PCDH7: variants seen among roughly 807,000 people sequenced by gnomAD.
The protein encoded by PCDH7 is protocadherin 7.
In PCDH7, 17 loss-of-function variants were observed where a neutral mutation model predicts 58.9. That is an observed-to-expected ratio of 0.29 (90% CI 0.20 to 0.43). The LOEUF (loss-of-function observed/expected upper bound fraction) is 0.43. PCDH7 is among the 20% of genes least tolerant of loss of function. PCDH7 has a pLI of 1.00. For synonymous variants in PCDH7, 664 were observed against 616.4 expected, an observed-to-expected ratio of 1.08 and a Z score of -1.14; for missense variants, 1,274 against 1,441.0, an observed-to-expected ratio of 0.88 and a Z score of 1.88.
intron 1 of PCDH7, among the ~76,000 whole-genome samples, chr4:30,911,075 A>T (rs893647367): frequency 1.3e-5 from 2 of 152,022 alleles, no homozygotes; most frequent in African/African-American, 4.8e-5. Context: ...GCCAAACACC[A>T]CATGTTCTCA....
At chr4:31,142,944 G>A (rs1302860499) in exon 4 of PCDH7, 1 of 957,148 alleles carries the variant, frequency 1.0e-6, no homozygotes, top group African/African-American at 1.7e-5. Flanking sequence ...CACAAAGAGG[G>A]GGCTACCAAA....
At chr4:30,846,026 CT>C (rs2109342304) in intron 1 of PCDH7, among the ~76,000 whole-genome samples, 1 of 152,182 alleles carries the variant, frequency 6.6e-6, no homozygotes, top group African/African-American at 2.4e-5. Context: ...TAATGGTAGT[CT>C]AATGGTAATA....
intron 3 of PCDH7, among the ~76,000 whole-genome samples, chr4:31,084,130 A>G (rs1711992775): frequency 6.6e-6 from 1 of 152,188 alleles, no homozygotes. Flanking sequence ...TACCACTACT[A>G]TTTCAGATGT....
intron 1 of PCDH7, among the ~76,000 whole-genome samples, chr4:30,728,630 G>A (rs1714999478): frequency 6.6e-6 from 1 of 151,640 alleles, no homozygotes; most frequent in Admixed American, 6.6e-5. Flanking sequence ...GATCCGCAAT[G>A]AATTTGCAAA....
intron 3 of PCDH7, among the ~76,000 whole-genome samples, chr4:31,076,803 A>C (rs1759033126): frequency 6.6e-6 from 1 of 152,190 alleles, no homozygotes; most frequent in African/African-American, 2.4e-5. Context: ...AGATTAAGGA[A>C]GGGAAAAATA....
intron 3 of PCDH7, among the ~76,000 whole-genome samples, chr4:30,966,517 G>A (rs989511782): frequency 1.3e-5 from 2 of 152,114 alleles, no homozygotes; most frequent in Non-Finnish European, 2.9e-5. Flanking sequence ...AATGTGGGGT[G>A]CCTTTGGGTA....
At chr4:30,751,056 T>G (rs889473749) in intron 1 of PCDH7, among the ~76,000 whole-genome samples, 10 of 152,182 alleles carry the variant, frequency 6.6e-5, no homozygotes, top group African/African-American at 2.2e-4. Context: ...TGAGTTAGGT[T>G]TTTATTTCAA....
intron 1 of PCDH7, among the ~76,000 whole-genome samples, chr4:30,859,025 A>C (rs1733850931): frequency 6.6e-6 from 1 of 152,178 alleles, no homozygotes; most frequent in Non-Finnish European, 1.5e-5. Context: ...CATCCTGAGC[A>C]CTACAGCTTA....
At chr4:31,008,526 T>C (rs1362022098) in intron 3 of PCDH7, among the ~76,000 whole-genome samples, 1 of 152,162 alleles carries the variant, frequency 6.6e-6, no homozygotes, top group Non-Finnish European at 1.5e-5. Flanking sequence ...ATGGTGAAAA[T>C]ATAAGTAATA....
chr4:30,787,751 G>A (rs1180338577), intron 1 of PCDH7, among the ~76,000 whole-genome samples: 2 of 152,038 alleles, frequency 1.3e-5, no homozygotes, highest in Non-Finnish European at 2.9e-5. Context: ...TTTTGTATGG[G>A]TGTGAAGGTA....
chr4:30,957,763 A>G (rs1748009035), intron 3 of PCDH7, among the ~76,000 whole-genome samples: 1 of 152,158 alleles, frequency 6.6e-6, no homozygotes, highest in African/African-American at 2.4e-5. Flanking sequence ...CTTTTAGTAT[A>G]TATCCATAAG....
At chr4:30,848,570 A>G (rs1207566353) in intron 1 of PCDH7, among the ~76,000 whole-genome samples, 1 of 152,144 alleles carries the variant, frequency 6.6e-6, no homozygotes, top group African/African-American at 2.4e-5. Context: ...TTAGTCTGGC[A>G]TAAACACAAG....
At chr4:30,795,562 A>T (rs1724671227) in intron 1 of PCDH7, among the ~76,000 whole-genome samples, 1 of 152,228 alleles carries the variant, frequency 6.6e-6, no homozygotes, top group South Asian at 2.1e-4. Context: ...ATCTAGGTGC[A>T]ATCTGCTATT....
intron 3 of PCDH7, among the ~76,000 whole-genome samples, chr4:30,950,749 T>C (rs1247718116): frequency 6.6e-6 from 1 of 152,186 alleles, no homozygotes; most frequent in Admixed American, 6.5e-5. Context: ...ATGTGAAAGC[T>C]GAATGCATGC....
intron 1 of PCDH7, among the ~76,000 whole-genome samples, chr4:30,825,107 T>C (rs1728934871): frequency 6.6e-6 from 1 of 152,048 alleles, no homozygotes; most frequent in Non-Finnish European, 1.5e-5. Context: ...GACAATGGAG[T>C]AGAAGATGTT....
intron 1 of PCDH7, among the ~76,000 whole-genome samples, chr4:30,725,991 A>G (rs995989633): frequency 6.6e-6 from 1 of 152,104 alleles, no homozygotes; most frequent in Non-Finnish European, 1.5e-5. Flanking sequence ...AGTTCAAACT[A>G]CATTTGCATT....
intron 3 of PCDH7, among the ~76,000 whole-genome samples, chr4:31,017,474 G>A (rs542972800): frequency 2.6e-5 from 4 of 151,940 alleles, no homozygotes; most frequent in East Asian, 1.9e-4. Flanking sequence ...ACAGACTTTC[G>A]GAATCACTTA....
At chr4:31,134,077 A>C (rs1226244310) in intron 3 of PCDH7, among the ~76,000 whole-genome samples, 1 of 152,144 alleles carries the variant, frequency 6.6e-6, no homozygotes, top group Non-Finnish European at 1.5e-5. Context: ...TTCTTAATTA[A>C]ATGTGCTTAT....
chr4:30,776,271 G>A (rs1722057973), intron 1 of PCDH7: 2 of 152,168 alleles, frequency 1.3e-5, no homozygotes. Flanking sequence ...ATTTCCACAT[G>A]TTCTTCCAAG....
Sources: allele counts gnomAD v4.1 joint callset (sites outside exome capture counted in the v4.1 genomes callset), GRCh38; gene constraint gnomAD v4.1.1; transcripts MANE v1.5; gene names NCBI Gene and HGNC (gene_info 2026-07-23, HGNC 2026-07-21).